The following KLF8 variants were observed in gnomAD, a reference collection of about 807,000 sequenced individuals.
KLF8 encodes Krueppel-like factor 8.
A neutral mutation model predicts 18.2 loss-of-function variants in KLF8; 10 were observed. The ratio of observed to expected loss-of-function variants is 0.55; its 90% CI spans 0.34 to 0.93. KLF8 has a LOEUF of 0.93. Among genes scored for constraint, KLF8 ranks in the 40% least tolerant of loss-of-function variants. KLF8 has a pLI of 0.02. For missense variants in KLF8, 264 were observed against 277.9 expected, an observed-to-expected ratio of 0.95 and a Z score of 0.36; for synonymous variants, 109 against 97.3, an observed-to-expected ratio of 1.12 and a Z score of -0.71.
the KLF8 span, among the ~76,000 whole-genome samples, chrX:55,959,198 G>A: frequency 3.6e-5 from 4 of 112,186 alleles, no homozygotes; most frequent in Non-Finnish European, 7.5e-5. Context: ...GAAGCCAATA[G>A]ACTAAAACCA....
chrX:55,983,995 G>A, the KLF8 span, among the ~76,000 whole-genome samples: 1 of 108,855 alleles, frequency 9.2e-6, no homozygotes, highest in Non-Finnish European at 1.9e-5. Flanking sequence ...TATGGTATAT[G>A]TGTATATATA....
the KLF8 span, among the ~76,000 whole-genome samples, chrX:56,080,657 G>C: frequency 3.6e-5 from 4 of 110,817 alleles, no homozygotes; most frequent in Non-Finnish European, 7.6e-5. Flanking sequence ...GAGTATCTTT[G>C]TGGCATTCTC....
chrX:56,269,967 T>G (rs2067029610), intron 4 of KLF8, among the ~76,000 whole-genome samples: 2 of 111,826 alleles, frequency 1.8e-5, no homozygotes, highest in Admixed American at 1.9e-4. Flanking sequence ...CCATGCTTTC[T>G]CTGAGCACCT....
the KLF8 span, among the ~76,000 whole-genome samples, chrX:55,977,515 T>C: frequency 9.7e-6 from 1 of 103,185 alleles, no homozygotes; most frequent in Middle Eastern, 5.0e-3. Flanking sequence ...GTGTGTGTGC[T>C]CCACAAAAGT....
the KLF8 span, among the ~76,000 whole-genome samples, chrX:56,068,513 C>T: frequency 0.065 from 7,302 of 111,851 alleles, 287 homozygotes; most frequent in Non-Finnish European, 0.1. Context: ...CACACAGCTT[C>T]CTGTTGTTTT....
the KLF8 span, among the ~76,000 whole-genome samples, chrX:55,985,739 A>G: frequency 3.6e-5 from 4 of 111,146 alleles, no homozygotes; most frequent in Non-Finnish European, 7.5e-5. Flanking sequence ...CATTTTCACA[A>G]TATCAGTTCT....
At chrX:55,972,132 A>T in the KLF8 span, among the ~76,000 whole-genome samples, 1 of 111,861 alleles carries the variant, frequency 8.9e-6, no homozygotes, top group African/African-American at 3.2e-5. Flanking sequence ...AAGATTTTTA[A>T]GCAACCTAAG....
chrX:56,281,916 T>C (rs1412410244), intron 5 of KLF8, among the ~76,000 whole-genome samples: 1 of 112,353 alleles, frequency 8.9e-6, no homozygotes, highest in African/African-American at 3.2e-5. Context: ...TGGGCCTCAC[T>C]GCTGAATTCC....
chrX:56,122,656 G>A, the KLF8 span, among the ~76,000 whole-genome samples: 1 of 111,284 alleles, frequency 9.0e-6, no homozygotes, highest in East Asian at 2.8e-4. Context: ...TTTCATTTGA[G>A]CTTCCTGCTT....
chrX:56,042,064 C>G, the KLF8 span, among the ~76,000 whole-genome samples: 1 of 111,805 alleles, frequency 8.9e-6, no homozygotes, highest in Non-Finnish European at 1.9e-5. Flanking sequence ...CCCAGAGATT[C>G]TGGTTTGTTG....
chrX:56,176,959 C>A, the KLF8 span, among the ~76,000 whole-genome samples: 2 of 111,673 alleles, frequency 1.8e-5, no homozygotes, highest in Middle Eastern at 4.6e-3. Flanking sequence ...TCCATCAGGT[C>A]CTTTAAGGAC....
chrX:56,102,757 A>AT, the KLF8 span, among the ~76,000 whole-genome samples: 3 of 109,995 alleles, frequency 2.7e-5, no homozygotes, highest in Non-Finnish European at 3.8e-5. Flanking sequence ...TCTTATTTTT[A>AT]TTTTTTTATT....
At chrX:56,186,917 A>G in the KLF8 span, among the ~76,000 whole-genome samples, 40 of 112,224 alleles carry the variant, frequency 3.6e-4, no homozygotes, top group African/African-American at 1.1e-3. Flanking sequence ...CCCACAAGAG[A>G]AAGCAGGAAA....
the KLF8 span, among the ~76,000 whole-genome samples, chrX:56,188,292 A>G: frequency 3.6e-5 from 4 of 111,493 alleles, no homozygotes; most frequent in Non-Finnish European, 7.5e-5. Context: ...AGAATAAAAT[A>G]CCTAGGAATC....
the KLF8 span, among the ~76,000 whole-genome samples, chrX:56,186,577 T>C: frequency 9.0e-6 from 1 of 111,611 alleles, no homozygotes; most frequent in African/African-American, 3.3e-5. Context: ...TTATACATTC[T>C]TTTCAGCACC....
the KLF8 span, among the ~76,000 whole-genome samples, chrX:56,104,804 G>A: frequency 2.7e-5 from 3 of 111,403 alleles, no homozygotes; most frequent in Non-Finnish European, 3.8e-5. Flanking sequence ...TAATTGTGAT[G>A]TTAGGGTGCC....
the KLF8 span, among the ~76,000 whole-genome samples, chrX:56,080,624 G>T: frequency 2.7e-5 from 3 of 110,825 alleles, no homozygotes; most frequent in African/African-American, 3.3e-5. Flanking sequence ...ACAATTATGT[G>T]TCTTGGAGTT....
chrX:56,022,117 C>A, the KLF8 span, among the ~76,000 whole-genome samples: 2 of 109,959 alleles, frequency 1.8e-5, no homozygotes, highest in East Asian at 5.7e-4. Context: ...GAAAATGGTG[C>A]AGTGAAAACC....
the KLF8 span, among the ~76,000 whole-genome samples, chrX:55,950,492 C>T: frequency 8.9e-6 from 1 of 111,757 alleles, no homozygotes; most frequent in Non-Finnish European, 1.9e-5. Flanking sequence ...TTCAGAATCT[C>T]AGTCTCCTCC....
Sources: gnomAD v4.1 joint callset for allele counts (sites outside exome capture counted in the v4.1 genomes callset) on GRCh38, gnomAD v4.1.1 for gene constraint, MANE v1.5 for transcripts, NCBI Gene and HGNC (gene_info 2026-07-23, HGNC 2026-07-21) for gene names.